PHLDB2: variants seen among roughly 807,000 people sequenced by gnomAD.
The protein encoded by PHLDB2 is pleckstrin homology like domain family B member 2, also known as pleckstrin homology-like domain family B member 2.
A neutral mutation model predicts 123.6 loss-of-function variants in PHLDB2; 71 were observed. The observed-to-expected ratio is 0.57, with a 90% CI of 0.47 to 0.70. PHLDB2 has a LOEUF of 0.70. PHLDB2 is among the 30% of genes least tolerant of loss of function. The pLI, the probability that PHLDB2 is intolerant of heterozygous loss-of-function variation, is 0.00. For synonymous variants in PHLDB2, 547 were observed against 541.6 expected, an observed-to-expected ratio of 1.01 and a Z score of -0.14; for missense variants, 1,446 against 1,519.5, an observed-to-expected ratio of 0.95 and a Z score of 0.80.
chr3:111,792,014 T>C (rs1315212227), intron 1 of PHLDB2, among the ~76,000 whole-genome samples: 2 of 152,152 alleles, frequency 1.3e-5, no homozygotes, highest in Non-Finnish European at 2.9e-5. Flanking sequence ...TAACCATCAT[T>C]CTCCTCTCTA....
At chr3:111,802,243 A>G (rs769197279) in intron 1 of PHLDB2, among the ~76,000 whole-genome samples, 1 of 152,186 alleles carries the variant, frequency 6.6e-6, no homozygotes, top group Non-Finnish European at 1.5e-5. Flanking sequence ...GCTTACATAC[A>G]AGAAACCTCT....
rs2067558490 is a variant in PHLDB2 at position 111,906,721 on chromosome 3, T to TACCA, written c.1336-6597_1336-6596insCCAA. Among the ~76,000 whole-genome samples, 10 of 152,332 alleles carry TACCA rather than the reference T, an allele frequency of 6.6e-5. 1 individual carries two copies. In the South Asian group the frequency reaches 2.1e-3, roughly 32 times the overall value. On this transcript the variant is annotated intron_variant, in intron 2 of 17. Transcript: ENST00000431670. ...GGAGAATAGGCATTAGCATACAAAA[T>TACCA]ATCAATAGTAATCTGCACATAACAA...
chr3:111,919,008 A>C (rs1180110040), intron 3 of PHLDB2, 64 bp from the exon 4 acceptor site: 1 of 1,551,122 alleles, frequency 6.4e-7, no homozygotes, highest in Non-Finnish European at 8.9e-7. Flanking sequence ...ATGGTTTACA[A>C]GTCAAGTTGG....
At chr3:111,889,775 A>T (rs999123843) in intron 2 of PHLDB2, among the ~76,000 whole-genome samples, 3 of 152,148 alleles carry the variant, frequency 2.0e-5, no homozygotes, top group Non-Finnish European at 2.9e-5. Flanking sequence ...AAATTCTGGG[A>T]ATGTTAAATT....
intron 2 of PHLDB2, among the ~76,000 whole-genome samples, chr3:111,909,774 C>G (rs1456297345): frequency 6.8e-6 from 1 of 146,468 alleles, no homozygotes; most frequent in Admixed American, 6.7e-5. Context: ...AATAGGTCCT[C>G]CTAAAAAAAA....
intron 1 of PHLDB2, among the ~76,000 whole-genome samples, chr3:111,750,213 AAAG>A (rs1242281646): frequency 8.5e-5 from 13 of 152,230 alleles, no homozygotes; most frequent in Non-Finnish European, 1.9e-4. Flanking sequence ...TCATATTTAA[AAAG>A]AAAATTAAAT....
intron 1 of PHLDB2, among the ~76,000 whole-genome samples, chr3:111,862,600 G>T (rs2064886837): frequency 1.3e-5 from 2 of 152,148 alleles, no homozygotes; most frequent in African/African-American, 4.8e-5. Flanking sequence ...AGTATTGCCT[G>T]GGGGAGTAGG....
chr3:111,969,699 T>A lies in PHLDB2; in HGVS notation c.3325T>A (p.Leu1109Met). 1 of 1,613,896 alleles carries A rather than the reference T, an allele frequency of 6.2e-7. No individual in the cohort carries two copies. Among genetic ancestry groups the A allele is most frequent in the Non-Finnish European group, 8.5e-7 (1 of 1,179,818 alleles). The change falls in exon 16 of 18, where the codon TTG becomes ATG. Residue 1109 changes from leucine to methionine, a missense_variant. Transcript: ENST00000431670. ...TTTTGCACTTTTCCAGGCTCGTCCT[T>A]TGACACGCTACCTGCCTGTCCGGAA... ...RERQRAQARPLTRYLPVRKED... is the reference protein window; with the variant it reads ...RERQRAQARPMTRYLPVRKED...
At chr3:111,919,417 T>C (rs1176815369) in intron 4 of PHLDB2, among the ~76,000 whole-genome samples, 7 of 151,890 alleles carry the variant, frequency 4.6e-5, no homozygotes, top group Admixed American at 4.6e-4. Flanking sequence ...CCAGATGAGA[T>C]AAACATATTA....
chr3:111,771,561 G>A (rs762517369), intron 1 of PHLDB2, among the ~76,000 whole-genome samples: 2 of 152,086 alleles, frequency 1.3e-5, no homozygotes, highest in Admixed American at 6.5e-5. Context: ...GACTGGTCTC[G>A]AACTCCTGGC....
chr3:111,886,266 G>T (rs979863452), intron 2 of PHLDB2, among the ~76,000 whole-genome samples: 13 of 152,104 alleles, frequency 8.5e-5, no homozygotes, highest in Non-Finnish European at 1.9e-4. Flanking sequence ...TGTTTTAGTC[G>T]CTAAAATATT....
intron 1 of PHLDB2, among the ~76,000 whole-genome samples, chr3:111,813,357 A>T (rs1172347510): frequency 6.6e-6 from 1 of 152,072 alleles, no homozygotes; most frequent in Non-Finnish European, 1.5e-5. Context: ...TATTTTTTTT[A>T]AAAGGGAAAG....
intron 1 of PHLDB2, among the ~76,000 whole-genome samples, chr3:111,753,324 T>C (rs1465863082): frequency 2.7e-5 from 4 of 150,306 alleles, no homozygotes; most frequent in African/African-American, 9.9e-5. Context: ...TTTCCTGACT[T>C]TTTAATGATT....
chr3:111,941,836 A>G (rs2069912516), intron 8 of PHLDB2, among the ~76,000 whole-genome samples: 1 of 151,930 alleles, frequency 6.6e-6, no homozygotes, highest in Non-Finnish European at 1.5e-5. Flanking sequence ...AAACAAAACA[A>G]AAGGAGAAGA....
chr3:111,911,640 G>A (rs1283077573), intron 2 of PHLDB2: 1 of 1,536,194 alleles, frequency 6.5e-7, no homozygotes, highest in Non-Finnish European at 8.7e-7. Context: ...AGATGAGAGT[G>A]TGTAGCTATG....
chr3:111,841,497 A>C (rs1208224865), intron 1 of PHLDB2, among the ~76,000 whole-genome samples: 1 of 152,240 alleles, frequency 6.6e-6, no homozygotes, highest in Non-Finnish European at 1.5e-5. Context: ...CCACCTTGAC[A>C]GGTGAATGAG....
chr3:111,800,945 A>G (rs2061353579), intron 1 of PHLDB2, among the ~76,000 whole-genome samples: 1 of 152,236 alleles, frequency 6.6e-6, no homozygotes, highest in Admixed American at 6.5e-5. Context: ...CAAGTATAAT[A>G]CATTGCCTTC....
intron 1 of PHLDB2, among the ~76,000 whole-genome samples, chr3:111,739,119 G>T (rs535022107): frequency 1.3e-5 from 2 of 152,290 alleles, no homozygotes; most frequent in Non-Finnish European, 2.9e-5. Flanking sequence ...ACTTCAGAAA[G>T]TTCTTTACGG....
chr3:111,906,369 A>G (rs1185558728), intron 2 of PHLDB2, among the ~76,000 whole-genome samples: 1 of 152,212 alleles, frequency 6.6e-6, no homozygotes, highest in African/African-American at 2.4e-5. Context: ...ACTTGAGGAA[A>G]CTGAGACACA....
Sources: allele counts gnomAD v4.1 joint callset (sites outside exome capture counted in the v4.1 genomes callset), GRCh38; gene constraint gnomAD v4.1.1; transcripts MANE v1.5; gene names NCBI Gene and HGNC (gene_info 2026-07-23, HGNC 2026-07-21).